Variants in CEMIP observed in about 807,000 individuals in gnomAD.
The protein encoded by CEMIP is cell migration inducing hyaluronidase 1.
In CEMIP, 105 loss-of-function variants were observed where a neutral mutation model predicts 156.9. The observed-to-expected ratio is 0.67, with a 90% CI of 0.57 to 0.79. The LOEUF (loss-of-function observed/expected upper bound fraction) is 0.79, where lower values mean the gene tolerates loss of function less well. Among genes scored for constraint, CEMIP ranks in the 30% least tolerant of loss-of-function variants. The pLI is 0.00. For missense variants in CEMIP, 1,457 were observed against 1,769.4 expected (o/e 0.82, Z 3.17); for synonymous variants, 676 against 668.4 (o/e 1.01, Z -0.17).
At chr15:80,808,294 C>T (rs1359240924) in intron 1 of CEMIP, among the ~76,000 whole-genome samples, 1 of 152,198 alleles carries the variant, frequency 6.6e-6, no homozygotes, top group African/African-American at 2.4e-5. Context: ...CACCTGCAGC[C>T]TTCCACTGCT....
At chr15:80,815,521 CT>C (rs1896770797) in intron 1 of CEMIP, among the ~76,000 whole-genome samples, 1 of 151,872 alleles carries the variant, frequency 6.6e-6, no homozygotes, top group Non-Finnish European at 1.5e-5. Flanking sequence ...ATATTCTTTT[CT>C]TTTTTCCTTC....
intron 7 of CEMIP, among the ~76,000 whole-genome samples, chr15:80,885,116 C>T (rs112930319): frequency 0.027 from 4,067 of 152,220 alleles, 186 homozygotes; most frequent in African/African-American, 0.093. Flanking sequence ...GTTCCCCTCC[C>T]TGTGTCCATG....
intron 1 of CEMIP, among the ~76,000 whole-genome samples, chr15:80,781,027 TCTCTGGC>T (rs1567045296): frequency 1.2e-4 from 18 of 152,148 alleles, no homozygotes; most frequent in Non-Finnish European, 2.4e-4. Context: ...ACTCTGTGGT[TCTCTGGC>T]TTTTCTATGA....
At chr15:80,943,142 C>T (rs765308098) in intron 28 of CEMIP, 40 bp downstream of exon 28, 2 of 1,611,000 alleles carry the variant, frequency 1.2e-6, no homozygotes, top group South Asian at 1.1e-5. Context: ...GCTGCTGGCA[C>T]AGCAGACCCC....
intron 1 of CEMIP, among the ~76,000 whole-genome samples, chr15:80,821,216 G>A (rs1896900677): frequency 6.6e-6 from 1 of 152,178 alleles, no homozygotes; most frequent in Middle Eastern, 3.2e-3. Context: ...GAGGGAGCAG[G>A]GAGCATGGGA....
In CEMIP at chr15:80,880,823, C is replaced by G. The variant is rs948471054; in HGVS notation, c.381-77C>G. The stretch of plus-strand genomic sequence containing the variant: ...GGGGGGTCAGGGAGCTGAGCTGTGA[C>G]TCCTAGGTTCCCTCTGGGTTCAGTA... On this transcript the variant is annotated intron_variant, in intron 5 of 29. Coordinates refer to ENST00000394685, the MANE Select transcript of CEMIP (RefSeq NM_001293298.2). The G allele has an allele frequency of 1.1e-5, 14 of 1,225,244 alleles. No homozygotes were observed. In the African/African-American group the frequency reaches 2.1e-4, roughly 18 times the overall value. 75.9% of individuals were successfully genotyped at this position (1,225,244 alleles called of 1,614,324 possible).
At chr15:80,872,984 C>T (rs1169884169) in intron 1 of CEMIP, among the ~76,000 whole-genome samples, 1 of 152,210 alleles carries the variant, frequency 6.6e-6, no homozygotes, top group Admixed American at 6.5e-5. Context: ...CCCAAGATAG[C>T]TGCTGAAAAT....
intron 15 of CEMIP, among the ~76,000 whole-genome samples, chr15:80,920,539 C>T (rs1361225674): frequency 6.6e-6 from 1 of 152,202 alleles, no homozygotes; most frequent in African/African-American, 2.4e-5. Flanking sequence ...CAAAGAGGAT[C>T]CCTGTTCTCA....
intron 1 of CEMIP, among the ~76,000 whole-genome samples, chr15:80,849,831 CA>C (rs983958158): frequency 6.6e-6 from 1 of 152,122 alleles, no homozygotes; most frequent in Admixed American, 6.5e-5. Flanking sequence ...GGATGCTGAG[CA>C]AGTGAAGGCA....
At chr15:80,921,762 T>C (rs902533608) in intron 16 of CEMIP, among the ~76,000 whole-genome samples, 3 of 152,238 alleles carry the variant, frequency 2.0e-5, no homozygotes, top group African/African-American at 4.8e-5. Context: ...AAACGCAGCA[T>C]TTCTGAGCCA....
chr15:80,793,041 T>A (rs1896122157), intron 1 of CEMIP, among the ~76,000 whole-genome samples: 1 of 152,184 alleles, frequency 6.6e-6, no homozygotes, highest in Non-Finnish European at 1.5e-5. Context: ...CTGATGAAAA[T>A]ACAGTTTAAG....
intron 1 of CEMIP, among the ~76,000 whole-genome samples, chr15:80,818,022 G>A (rs1003326368): frequency 2.0e-5 from 3 of 152,044 alleles, no homozygotes; most frequent in Non-Finnish European, 2.9e-5. Context: ...CCTATTTTAC[G>A]TGGTTGTTGA....
At chr15:80,903,020 C>G (rs1286078250) in intron 12 of CEMIP, 1 of 152,220 alleles carries the variant, frequency 6.6e-6, no homozygotes, top group Non-Finnish European at 1.5e-5. Flanking sequence ...CAGGGACTCA[C>G]AGCTGTGAGC....
At chr15:80,889,111 A>C (rs1898949342) in intron 9 of CEMIP, among the ~76,000 whole-genome samples, 1 of 152,214 alleles carries the variant, frequency 6.6e-6, no homozygotes, top group Admixed American at 6.5e-5. Flanking sequence ...TAGGAATAGA[A>C]CCTGCCCTCC....
intron 1 of CEMIP, among the ~76,000 whole-genome samples, chr15:80,839,388 G>A (rs570600297): frequency 1.3e-5 from 2 of 150,538 alleles, no homozygotes; most frequent in Non-Finnish European, 2.9e-5. Flanking sequence ...AGACAAACAA[G>A]GGCAGCTTGT....
chr15:80,879,529 C>A (rs535992554), intron 4 of CEMIP, among the ~76,000 whole-genome samples, 187 bp from the exon 5 acceptor site: 115 of 152,254 alleles, frequency 7.6e-4, no homozygotes, highest in African/African-American at 2.7e-3. Flanking sequence ...GTGCTGGAAC[C>A]AATTCCCTTC....
In CEMIP at chr15:80,889,716, G is replaced by T. The variant is rs1487736580; in HGVS notation, c.1086+124G>T. On this transcript the variant is annotated intron_variant, in intron 10 of 29. Coordinates refer to ENST00000394685, the MANE Select transcript of CEMIP (RefSeq NM_001293298.2). ...CGTTGCCCTCCTGTGAGGTAGGTCAGCCAAAGAGTACCATTCCCACTTTAG... is the reference window on the plus strand; with the variant it reads ...CGTTGCCCTCCTGTGAGGTAGGTCATCCAAAGAGTACCATTCCCACTTTAG... The T allele has an allele frequency of 2.4e-6, 3 of 1,226,450 alleles. No individual in the cohort carries two copies. The Admixed American group carries it at 5.4e-5, about 22-fold the overall frequency. 76.0% of individuals were successfully genotyped at this position (1,226,450 alleles called of 1,614,324 possible).
chr15:80,836,049 A>G (rs914646769), intron 1 of CEMIP, among the ~76,000 whole-genome samples: 6 of 148,926 alleles, frequency 4.0e-5, no homozygotes, highest in Non-Finnish European at 8.9e-5. Context: ...CATACTTGGT[A>G]TATTTAGAGA....
At chr15:80,820,922 C>T (rs1896894311) in intron 1 of CEMIP, among the ~76,000 whole-genome samples, 1 of 152,082 alleles carries the variant, frequency 6.6e-6, no homozygotes, top group Non-Finnish European at 1.5e-5. Flanking sequence ...AACTAGTTTA[C>T]AAGGGGAGGA....
Sources: gnomAD v4.1 joint callset for allele counts (sites outside exome capture counted in the v4.1 genomes callset) on GRCh38, gnomAD v4.1.1 for gene constraint, MANE v1.5 for transcripts, NCBI Gene and HGNC (gene_info 2026-07-23, HGNC 2026-07-21) for gene names.